The following WDR62 variants were observed in gnomAD, a reference collection of about 807,000 sequenced individuals.
The protein encoded by WDR62 is WD repeat domain 62, also known as WD repeat-containing protein 62.
A neutral mutation model predicts 160.6 loss-of-function variants in WDR62; 112 were observed. The ratio of observed to expected loss-of-function variants is 0.70; its 90% CI spans 0.60 to 0.82. The LOEUF is 0.82. Among genes scored for constraint, WDR62 ranks in the 40% least tolerant of loss-of-function variants. The pLI is 0.00. For synonymous variants in WDR62, 792 were observed against 815.1 expected (o/e 0.97, Z 0.48); for missense variants, 1,819 against 1,983.8 (o/e 0.92, Z 1.58).
At chr19:36,055,385 C>T (rs1310688980) in intron 1 of WDR62, among the ~76,000 whole-genome samples, 2 of 152,196 alleles carry the variant, frequency 1.3e-5, no homozygotes, top group Non-Finnish European at 2.9e-5. Flanking sequence ...CGCTGGTTCC[C>T]ACCCGTGGAA....
intron 1 of WDR62, among the ~76,000 whole-genome samples, 180 bp downstream of exon 1, chr19:36,055,328 T>C (rs1199334162): frequency 6.6e-6 from 1 of 151,910 alleles, no homozygotes; most frequent in Non-Finnish European, 1.5e-5. Context: ...TTCTCCTCGC[T>C]GCTTTCCCGG....
At chr19:36,092,552 G>A (rs75016087) in intron 18 of WDR62, 137 bp from the exon 19 acceptor site, 20,455 of 1,252,420 alleles carry the variant, frequency 0.016, 1,196 homozygotes, top group South Asian at 0.12. Context: ...TGCACTAAGC[G>A]GATAGGGGTG....
intron 15 of WDR62, 114 bp downstream of exon 15, chr19:36,089,420 A>G: frequency 3.9e-6 from 6 of 1,548,808 alleles, no homozygotes; most frequent in Non-Finnish European, 5.3e-6. Context: ...TGAGGGACCC[A>G]GCAGGTGTTC....
At chr19:36,102,267 C>A in intron 26 of WDR62, 116 bp downstream of exon 26, 2 of 1,487,276 alleles carry the variant, frequency 1.3e-6, no homozygotes, top group Non-Finnish European at 1.9e-6. Context: ...AGAGCAACTG[C>A]TTCGTTTTTT....
intron 8 of WDR62, among the ~76,000 whole-genome samples, chr19:36,072,526 G>A (rs1971353036): frequency 6.6e-6 from 1 of 152,082 alleles, no homozygotes; most frequent in Non-Finnish European, 1.5e-5. Context: ...GCACTAGGCT[G>A]TGGCTTTCTT....
At chr19:36,071,322 GT>G (rs1279517482) in intron 7 of WDR62, among the ~76,000 whole-genome samples, 2 of 152,196 alleles carry the variant, frequency 1.3e-5, no homozygotes, top group Non-Finnish European at 2.9e-5. Flanking sequence ...GTAGACAGCA[GT>G]GACAATTCTG....
chr19:36,108,135 T>C (rs1057296641), downstream of WDR62, among the ~76,000 whole-genome samples: 1 of 152,076 alleles, frequency 6.6e-6, no homozygotes, highest in Non-Finnish European at 1.5e-5. Context: ...GCTGCAGCCC[T>C]GACTCCCACA....
Position 36,073,539 on chromosome 19 carries a change from C to T in WDR62, c.1233+8C>T, listed in dbSNP as rs758538375. On this transcript the variant is annotated splice_region_variant and intron_variant, in intron 9 of 31. Transcript: ENST00000401500. ...TACGTTTGGAACGTGGAGGTGAGCC[C>T]CCCCCCCACCCCCTTGCCCCTGCTT... is the stretch of plus-strand genomic sequence containing the variant. The T allele has an allele frequency of 4.0e-5, 45 of 1,126,754 alleles. No homozygotes were observed. The highest frequency in any genetic ancestry group is 4.6e-5 in the Non-Finnish European group (36 of 777,338). 69.8% of individuals were successfully genotyped at this position (1,126,754 alleles called of 1,614,324 possible).
downstream of WDR62, among the ~76,000 whole-genome samples, chr19:36,107,949 G>C (rs1157661590): frequency 1.3e-5 from 2 of 152,100 alleles, no homozygotes; most frequent in Non-Finnish European, 2.9e-5. Context: ...ATTCCAAAGA[G>C]TTTAACCAAG....
chr19:36,102,711 A>C (rs761999500), intron 26 of WDR62, 26 bp from the exon 27 acceptor site: 4 of 1,608,580 alleles, frequency 2.5e-6, no homozygotes. Context: ...AAGGGTTATG[A>C]GGGTCCCCTC....
rs772679061 is a variant in WDR62 at position 36,103,132 on chromosome 19, C to G, written c.3463-24C>G. The G allele has an allele frequency of 1.4e-5, 23 of 1,613,930 alleles. No homozygotes were observed. The South Asian group carries it at 2.3e-4, about 16-fold the overall frequency. The stretch of plus-strand genomic sequence containing the variant: ...GGGCTGGGAACCCTGAGGCCTTGTC[C>G]TCACCTCAGAGCTGTGCCTGCAGGT... On this transcript the variant is annotated intron_variant, in intron 28 of 31. Transcript: ENST00000401500.
chr19:36,090,625 C>T, intron 16 of WDR62, 105 bp downstream of exon 16: 1 of 1,031,112 alleles, frequency 9.7e-7, no homozygotes, highest in Non-Finnish European at 1.5e-6. Flanking sequence ...GTGCACCGCG[C>T]TGCCCAGCAC....
At chr19:36,086,921 A>G (rs576371489) in intron 13 of WDR62, 109 bp downstream of exon 13, 5 of 1,429,134 alleles carry the variant, frequency 3.5e-6, no homozygotes, top group African/African-American at 1.4e-5. Flanking sequence ...TGAATACAGT[A>G]TCTGTGTACA....
At chr19:36,087,392 A>G (rs1460705417) in intron 13 of WDR62, among the ~76,000 whole-genome samples, 1 of 151,964 alleles carries the variant, frequency 6.6e-6, no homozygotes, top group Non-Finnish European at 1.5e-5. Context: ...CTGTAATCCC[A>G]GCTACTCGGG....
At chr19:36,091,157 G>C (rs749124598) in intron 16 of WDR62, 43 bp from the exon 17 acceptor site, 2 of 1,560,136 alleles carry the variant, frequency 1.3e-6, no homozygotes, top group Non-Finnish European at 1.8e-6. Flanking sequence ...TCATAAGGAA[G>C]AAGCAGGCAG....
chr19:36,069,546 A>G (rs1229317885), intron 7 of WDR62, among the ~76,000 whole-genome samples: 2 of 143,916 alleles, frequency 1.4e-5, no homozygotes, highest in East Asian at 4.4e-4. Flanking sequence ...ATCCCAGACG[A>G]TGGGCGGCCA....
chr19:36,071,304 G>A (rs190574140), intron 7 of WDR62, among the ~76,000 whole-genome samples: 99 of 152,254 alleles, frequency 6.5e-4, no homozygotes, highest in African/African-American at 2.2e-3. Context: ...ACACAGCTAC[G>A]TTTCTCTGTA....
At chr19:36,097,450 T>G (rs1973043434) in intron 21 of WDR62, among the ~76,000 whole-genome samples, 1 of 152,164 alleles carries the variant, frequency 6.6e-6, no homozygotes, top group South Asian at 2.1e-4. Flanking sequence ...CAGTGATACG[T>G]GTCTGTGGTC....
chr19:36,071,983 T>C (rs1971325726), intron 8 of WDR62, among the ~76,000 whole-genome samples: 1 of 152,230 alleles, frequency 6.6e-6, no homozygotes, highest in Non-Finnish European at 1.5e-5. Flanking sequence ...TGAAGAACAG[T>C]GCAGAGCAGG....
Sources: gnomAD v4.1 joint callset for allele counts (sites outside exome capture counted in the v4.1 genomes callset) on GRCh38, gnomAD v4.1.1 for gene constraint, MANE v1.5 for transcripts, NCBI Gene and HGNC (gene_info 2026-07-23, HGNC 2026-07-21) for gene names.